SPIDR: variants seen among roughly 807,000 people sequenced by gnomAD.
SPIDR encodes DNA repair-scaffolding protein.
Under a neutral mutation model 104.6 loss-of-function variants are expected in SPIDR, and 93 were observed. That is an observed-to-expected ratio of 0.89 (90% CI 0.75 to 1.06). The LOEUF (loss-of-function observed/expected upper bound fraction) is 1.06, where lower values mean the gene tolerates loss of function less well. Among genes scored for constraint, SPIDR ranks in the 50% least tolerant of loss-of-function variants. The probability of loss-of-function intolerance (pLI) is 0.00; values close to 1 mark genes in which losing one functional copy is unlikely to be tolerated. For missense variants in SPIDR, 1,154 were observed against 1,111.2 expected (o/e 1.04, Z -0.55); for synonymous variants, 431 against 416.9 (o/e 1.03, Z -0.41).
chr8:47,377,571 G>A (rs2058801910), intron 5 of SPIDR, among the ~76,000 whole-genome samples: 1 of 152,168 alleles, frequency 6.6e-6, no homozygotes. Context: ...CCTAACAGTT[G>A]AGGATTTTTA....
chr8:47,565,582 C>T lies in SPIDR; in HGVS notation c.1098-30229C>T, dbSNP rs1409083525. Among the ~76,000 whole-genome samples, 4 of 151,862 alleles carry T rather than the reference C, an allele frequency of 2.6e-5. No individual in the cohort carries two copies. The East Asian group carries it at 7.7e-4, about 29-fold the overall frequency. ...AAAAATGTAAAATATCCCTAATTAT[C>T]CCACTATTATATTTAATACAACTAC... On this transcript the variant is annotated intron_variant, in intron 8 of 19. Coordinates refer to ENST00000297423, the MANE Select transcript of SPIDR (RefSeq NM_001080394.4).
rs190074444 is a variant in SPIDR, at chr8:47,521,253, A to G, written c.1098-74558A>G. Reference sequence around the variant, plus strand: ...TAATTGGACATGCTTTGGCTAATCAACTAGTAATAACTGTGTTTCACATTT... The same window carrying G: ...TAATTGGACATGCTTTGGCTAATCAGCTAGTAATAACTGTGTTTCACATTT... On this transcript the variant is annotated intron_variant, in intron 8 of 19. Coordinates refer to ENST00000297423, the MANE Select transcript of SPIDR (RefSeq NM_001080394.4). Among the ~76,000 whole-genome samples, 24 of 152,254 alleles carry G rather than the reference A, an allele frequency of 1.6e-4. No homozygotes were observed. The East Asian group carries it at 3.9e-3, about 25-fold the overall frequency.
At chr8:47,608,154 G>A (rs1178661757) in intron 10 of SPIDR, among the ~76,000 whole-genome samples, 5 of 152,152 alleles carry the variant, frequency 3.3e-5, no homozygotes, top group Admixed American at 1.3e-4. Context: ...ACTTTTTGTC[G>A]CTACAGATTT....
chr8:47,466,901 ATAT>A (rs555774246), intron 8 of SPIDR, among the ~76,000 whole-genome samples: 1 of 27,666 alleles, frequency 3.6e-5, no homozygotes, highest in Non-Finnish European at 1.0e-4. Context: ...AAAAAAAAAA[ATAT>A]ATATATATAT....
chr8:47,475,788 T>C (rs1222038863), intron 8 of SPIDR, among the ~76,000 whole-genome samples: 2 of 152,220 alleles, frequency 1.3e-5, no homozygotes, highest in African/African-American at 2.4e-5. Context: ...GGTTTCTTTA[T>C]CTAAACCAAT....
At chr8:47,570,583 T>C (rs1327775213) in intron 8 of SPIDR, among the ~76,000 whole-genome samples, 1 of 152,176 alleles carries the variant, frequency 6.6e-6, no homozygotes, top group Non-Finnish European at 1.5e-5. Context: ...TAAGAACTTT[T>C]GTGCTTCAAA....
chr8:47,261,541 A>G (rs564974282), intron 1 of SPIDR, among the ~76,000 whole-genome samples: 1 of 152,310 alleles, frequency 6.6e-6, no homozygotes, highest in South Asian at 2.1e-4. Context: ...CCGCGAGTGC[A>G]TCCTTTTTTG....
chr8:47,496,344 C>T (rs2079435418), intron 8 of SPIDR, among the ~76,000 whole-genome samples: 1 of 152,206 alleles, frequency 6.6e-6, no homozygotes, highest in East Asian at 1.9e-4. Flanking sequence ...TTTGTGGATG[C>T]TGTTTGTCAG....
intron 8 of SPIDR, chr8:47,546,793 G>A (rs2089468179): frequency 9.3e-6 from 2 of 215,418 alleles, no homozygotes; most frequent in Non-Finnish European, 1.9e-5. Context: ...TTGTCACCAA[G>A]AGACCATGTC....
intron 17 of SPIDR, 112 bp downstream of exon 17, chr8:47,727,405 G>GA: frequency 1.1e-6 from 1 of 900,388 alleles, no homozygotes; most frequent in Non-Finnish European, 1.8e-6. Context: ...GAGCTCAAGG[G>GA]GCAACCTCTG....
intron 8 of SPIDR, among the ~76,000 whole-genome samples, chr8:47,477,222 CAG>C (rs1586369727): frequency 1.3e-5 from 2 of 151,342 alleles, no homozygotes; most frequent in African/African-American, 2.4e-5. Context: ...TTTTTTGAGA[CAG>C]AGTCTCGCTC....
intron 4 of SPIDR, among the ~76,000 whole-genome samples, chr8:47,291,626 A>G (rs2039921304): frequency 6.6e-6 from 1 of 152,142 alleles, no homozygotes; most frequent in African/African-American, 2.4e-5. Context: ...ACTCTAAGAA[A>G]CTCTAAGAGA....
intron 14 of SPIDR, among the ~76,000 whole-genome samples, chr8:47,707,056 G>A (rs1256205725): frequency 2.0e-5 from 3 of 151,962 alleles, no homozygotes; most frequent in African/African-American, 4.8e-5. Flanking sequence ...AATTGGAGAT[G>A]AGCCTGTCAA....
intron 8 of SPIDR, among the ~76,000 whole-genome samples, chr8:47,593,582 A>G (rs2061312941): frequency 6.6e-6 from 1 of 152,182 alleles, no homozygotes; most frequent in Non-Finnish European, 1.5e-5. Flanking sequence ...AGAAACATGG[A>G]CATTTGGAGT....
intron 10 of SPIDR, among the ~76,000 whole-genome samples, chr8:47,633,938 C>G (rs1299740299): frequency 6.6e-6 from 1 of 151,756 alleles, no homozygotes; most frequent in Admixed American, 6.6e-5. Context: ...ACCAAAAATA[C>G]AAAAATGTAG....
At position 47,595,866 on chromosome 8, in the gene SPIDR, T is replaced by C; in HGVS notation, c.1153T>C (p.Cys385Arg). ...SCPVILNTYFCEKVVAKEDSE... is the reference protein window; with the variant it reads ...SCPVILNTYFREKVVAKEDSE... ...CCCTGTTATTCTGAATACTTACTTT[T>C]GTGAGAAAGTTGTTGCCAAAGAAGA... The change falls in exon 9 of 20, where the codon TGT (cysteine) becomes CGT (arginine). Residue 385 changes from cysteine to arginine, a missense_variant. Transcript: ENST00000297423. 1 of 1,614,232 alleles carries C rather than the reference T, an allele frequency of 6.2e-7. No homozygotes were observed.
chr8:47,320,833 C>T (rs1212101490), intron 5 of SPIDR, among the ~76,000 whole-genome samples: 1 of 152,088 alleles, frequency 6.6e-6, no homozygotes, highest in Non-Finnish European at 1.5e-5. Context: ...ATAAACAGAA[C>T]CAACGAGTAA....
chr8:47,635,894 G>C (rs1028904104), intron 10 of SPIDR, among the ~76,000 whole-genome samples: 2 of 152,194 alleles, frequency 1.3e-5, no homozygotes, highest in African/African-American at 2.4e-5. Context: ...TGGATAAGGA[G>C]ACCCACCCAC....
At chr8:47,335,388 C>A (rs1554608101) in intron 5 of SPIDR, among the ~76,000 whole-genome samples, 2 of 152,052 alleles carry the variant, frequency 1.3e-5, no homozygotes, top group Non-Finnish European at 2.9e-5. Context: ...CTACAGAATT[C>A]TAGATTGGTA....
Sources: gnomAD v4.1 joint callset for allele counts (sites outside exome capture counted in the v4.1 genomes callset) on GRCh38, gnomAD v4.1.1 for gene constraint, MANE v1.5 for transcripts, NCBI Gene and HGNC (gene_info 2026-07-23, HGNC 2026-07-21) for gene names.